ZNF726: variants seen among roughly 807,000 people sequenced by gnomAD.
The protein encoded by ZNF726 is zinc finger protein 92 pseudogene 3.
ZNF726 carries 15 observed loss-of-function variants against 11.6 expected under a neutral mutation model. The ratio of observed to expected loss-of-function variants is 1.29; its 90% CI spans 0.86 to 1.99. The LOEUF (loss-of-function observed/expected upper bound fraction) is 1.99, where lower values mean the gene tolerates loss of function less well. Among genes scored for constraint, ZNF726 ranks in the 30% most tolerant of loss-of-function variants. The probability of loss-of-function intolerance (pLI) is 0.00; values close to 1 mark genes in which losing one functional copy is unlikely to be tolerated. For synonymous variants in ZNF726, 295 were observed against 243.6 expected (o/e 1.21, Z -1.96); for missense variants, 890 against 725.6 (o/e 1.23, Z -2.60).
In ZNF726 at chr19:23,933,925, C is replaced by A. The variant is rs1228726108; in HGVS notation, c.1809C>A (p.Ile603=). ...YKCDECGKSF[I]WSSTLFKHKR... ...GTGACGAATGTGGCAAATCATTTAT[C>A]TGGTCCTCAACCCTTTTTAAGCATA... is the stretch of plus-strand genomic sequence containing the variant. The change falls in exon 4 of 4, where the codon ATC becomes ATA. Residue 603 remains isoleucine, a synonymous_variant. Transcript: ENST00000594466. The A allele has an allele frequency of 6.3e-7, 1 of 1,584,244 alleles. No individual in the cohort carries two copies. The highest frequency in any genetic ancestry group is 8.6e-7 in the Non-Finnish European group (1 of 1,165,024).
intron 3 of ZNF726, among the ~76,000 whole-genome samples, chr19:23,930,722 A>G (rs111910008): frequency 2.6e-5 from 4 of 152,134 alleles, no homozygotes; most frequent in African/African-American, 4.8e-5. Flanking sequence ...TTGTGAGTCT[A>G]TGTAATTTTT....
In ZNF726 at chr19:23,934,280, A is replaced by G. The variant is rs776757719; in HGVS notation, c.*313A>G. 4.6e-6 allele frequency: 3 copies of G among 647,180 alleles called. No homozygotes were observed. Among genetic ancestry groups the G allele is most frequent in the Non-Finnish European group, 8.9e-6 (3 of 336,794 alleles). The allele number at this position is 647,180 out of a possible 1,614,324, so 40.1% of individuals were successfully genotyped here. A position where few individuals can be genotyped will look rare whatever the true frequency, so the allele number is the denominator to read the frequency against. On this transcript the variant is annotated 3_prime_UTR_variant, in exon 4 of 4. Transcript: ENST00000594466. ...CACACCCCTAAGTAGACATAAGAGGATGCACACTGGAGAGAAACCTTACAA... is the reference window on the plus strand; with the variant it reads ...CACACCCCTAAGTAGACATAAGAGGGTGCACACTGGAGAGAAACCTTACAA...
chr19:23,928,634 A>G (rs1968039140), intron 3 of ZNF726: 1 of 152,144 alleles, frequency 6.6e-6, no homozygotes, highest in African/African-American at 2.4e-5. Context: ...TCTAAAACCC[A>G]AGTGTAGTTA....
At position 23,933,254 on chromosome 19, in the gene ZNF726, T is replaced by A; in HGVS notation, c.1138T>A (p.Trp380Arg). The change falls in exon 4 of 4, where the codon TGG (tryptophan) becomes AGG (arginine). Residue 380 changes from tryptophan (W) to arginine (R), a missense_variant. Physicochemically the swap from Trp to Arg is moderately radical, Grantham distance 101. Transcript: ENST00000594466. ...TGAAGAATGTGGCAAAGCATTTATATGGCCCTCAACCCTAACTAAACATAA... is the reference window on the plus strand; with the variant it reads ...TGAAGAATGTGGCAAAGCATTTATAAGGCCCTCAACCCTAACTAAACATAA... ...KCEECGKAFI[W>R]PSTLTKHKRI... 6.2e-7 allele frequency: 1 copy of A among 1,609,934 alleles called. No individual in the cohort carries two copies. The highest frequency in any genetic ancestry group is 8.5e-7 in the Non-Finnish European group (1 of 1,179,086).
rs775098368 is a variant in ZNF726, at chr19:23,933,241, C to T, written c.1125C>T (p.Gly375=). 18 of 1,613,012 alleles carry T rather than the reference C, an allele frequency of 1.1e-5. No homozygotes were observed. Among genetic ancestry groups the T allele is most frequent in the Non-Finnish European group, 1.5e-5 (18 of 1,179,934 alleles). The part of the protein sequence containing the change: ...GEKPYKCEEC[G]KAFIWPSTLT... ...AACCCTACAAATGTGAAGAATGTGG[C>T]AAAGCATTTATATGGCCCTCAACCC... Residue 375 remains glycine, a synonymous_variant, in exon 4 of 4, where the codon GGC becomes GGT. Coordinates refer to ENST00000594466, the MANE Select transcript of ZNF726 (RefSeq NM_001244038.2).
At chr19:23,943,870 TC>T (rs1968377277) in intron 4 of ZNF726, 1 of 240,098 alleles carries the variant, frequency 4.2e-6, no homozygotes, top group Non-Finnish European at 7.9e-6. Context: ...TACCTGCTCT[TC>T]CATTGCTTCG....
chr19:23,934,764 G>A (rs1322592947), downstream of ZNF726, among the ~76,000 whole-genome samples: 2 of 152,188 alleles, frequency 1.3e-5, no homozygotes, highest in African/African-American at 4.8e-5. Context: ...GCAATGTGGG[G>A]AAAAGGCTCC....
chr19:23,931,945 AG>A (rs1359582450), intron 3 of ZNF726, among the ~76,000 whole-genome samples: 1 of 152,218 alleles, frequency 6.6e-6, no homozygotes. Flanking sequence ...AGCCCCTAAA[AG>A]CCAGAAATGA....
downstream of ZNF726, among the ~76,000 whole-genome samples, chr19:23,937,349 G>A (rs941903890): frequency 3.3e-5 from 5 of 151,810 alleles, no homozygotes; most frequent in South Asian, 2.1e-4. Context: ...CTTCCCAGAT[G>A]GGGTGGCTGC....
chr19:23,936,811 A>C (rs1311652255), downstream of ZNF726, among the ~76,000 whole-genome samples: 5 of 151,850 alleles, frequency 3.3e-5, no homozygotes, highest in African/African-American at 1.2e-4. Flanking sequence ...AGGCAGAAGA[A>C]TTTTTCTTAG....
At chr19:23,943,319 G>A (rs1279201452) in intron 3 of ZNF726, among the ~76,000 whole-genome samples, 1 of 152,238 alleles carries the variant, frequency 6.6e-6, no homozygotes, top group African/African-American at 2.4e-5. Flanking sequence ...GGATAGCAGA[G>A]CTACAGACCC....
At chr19:23,915,251 C>G (rs1967669249) in intron 1 of ZNF726, among the ~76,000 whole-genome samples, 1 of 152,104 alleles carries the variant, frequency 6.6e-6, no homozygotes, top group Admixed American at 6.6e-5. Flanking sequence ...AGCTCTGCAC[C>G]AGTAGCCCCG....
Position 23,933,443 on chromosome 19 carries a change from CA to C in ZNF726, c.1328del (p.His443LeufsTer26), listed in dbSNP as rs762219834. On this transcript the variant is annotated frameshift_variant, in exon 4 of 4. Transcript: ENST00000594466. LOFTEE classifies it low-confidence loss of function (END_TRUNC). Reference sequence around the variant, plus strand: ...TATATGGTCCTCAAACCTTACTGAACATAAGAAAATTCATACTAGAGAGAAA... The same window carrying C: ...TATATGGTCCTCAAACCTTACTGAACTAAGAAAATTCATACTAGAGAGAAA... Reference protein sequence around the residue: ...AFIWSSNLTEHKKIHTREKPY... With the variant: ...AFIWSSNLTEXKKIHTREKPY... 2.3e-5 allele frequency: 37 copies of C among 1,612,160 alleles called. No individual in the cohort carries two copies. The highest frequency in any genetic ancestry group is 2.7e-5 in the Non-Finnish European group (32 of 1,179,520).
chr19:23,930,799 G>C (rs965636117), intron 3 of ZNF726, among the ~76,000 whole-genome samples: 1 of 151,612 alleles, frequency 6.6e-6, no homozygotes, highest in African/African-American at 2.4e-5. Flanking sequence ...TCTCTTTTAG[G>C]TATTATTGTT....
chr19:23,919,918 T>G (rs1456075379), intron 2 of ZNF726, 69 bp from the exon 3 acceptor site: 1 of 1,059,264 alleles, frequency 9.4e-7, no homozygotes, highest in Non-Finnish European at 1.4e-6. Flanking sequence ...CCCTTTTACT[T>G]TGCACATTAC....
In ZNF726 at chr19:23,933,733, T is replaced by A; in HGVS notation, c.1617T>A (p.Cys539Ter). The A allele has an allele frequency of 6.2e-7, 1 of 1,612,276 alleles. No homozygotes were observed. Among genetic ancestry groups the A allele is most frequent in the Non-Finnish European group, 8.5e-7 (1 of 1,179,944 alleles). ...ACACTGGAGAGAAACCCTACAAATGTGAAGAATGTGGCAAAACTTTTAATC... is the reference window on the plus strand; with the variant it reads ...ACACTGGAGAGAAACCCTACAAATGAGAAGAATGTGGCAAAACTTTTAATC... ...RIHTGEKPYK[C>*]EECGKTFNQS... The change falls in exon 4 of 4, where the codon TGT becomes TGA. Residue 539 changes from cysteine to a stop codon, truncating the protein, a stop_gained. Coordinates refer to ENST00000594466, the MANE Select transcript of ZNF726 (RefSeq NM_001244038.2). LOFTEE classifies it low-confidence loss of function (END_TRUNC).
intron 1 of ZNF726, among the ~76,000 whole-genome samples, chr19:23,917,944 T>C (rs1035001935): frequency 6.6e-5 from 10 of 152,232 alleles, no homozygotes; most frequent in Non-Finnish European, 1.3e-4. Flanking sequence ...AGAGGGGTTT[T>C]ATTACCTCTA....
chr19:23,919,782 T>C, intron 2 of ZNF726: 1 of 450,708 alleles, frequency 2.2e-6, no homozygotes, highest in Non-Finnish European at 3.6e-6. Context: ...CCATTACCAA[T>C]TTTTGCTTCA....
At chr19:23,920,854 G>C (rs1312693917) in intron 3 of ZNF726, 2 of 140,918 alleles carry the variant, frequency 1.4e-5, no homozygotes, top group Non-Finnish European at 3.0e-5. Flanking sequence ...TTTACTTCCT[G>C]CAGAAAGGGT....
Sources: gnomAD v4.1 joint callset for allele counts (sites outside exome capture counted in the v4.1 genomes callset) on GRCh38, gnomAD v4.1.1 for gene constraint, MANE v1.5 for transcripts, NCBI Gene and HGNC (gene_info 2026-07-23, HGNC 2026-07-21) for gene names.